ASTN2: variants seen among roughly 807,000 people sequenced by gnomAD.
ASTN2 encodes astrotactin 2.
In ASTN2, 54 loss-of-function variants were observed where a neutral mutation model predicts 139.8. That is an observed-to-expected ratio of 0.39 (90% CI 0.31 to 0.48). The LOEUF is 0.48. ASTN2 is among the 20% of genes least tolerant of loss of function. The probability of loss-of-function intolerance (pLI) is 0.95; values close to 1 mark genes in which losing one functional copy is unlikely to be tolerated. For missense variants in ASTN2, 1,565 were observed against 1,725.1 expected (o/e 0.91, Z 1.64); for synonymous variants, 756 against 719.5 (o/e 1.05, Z -0.81).
chr9:116,994,106 C>T (rs1253451857), intron 7 of ASTN2, among the ~76,000 whole-genome samples: 1 of 151,694 alleles, frequency 6.6e-6, no homozygotes, highest in Non-Finnish European at 1.5e-5. Flanking sequence ...ACTTGGACAT[C>T]AAAACATTAA....
chr9:116,852,172 A>G (rs536005654), intron 11 of ASTN2, among the ~76,000 whole-genome samples: 1 of 152,294 alleles, frequency 6.6e-6, no homozygotes, highest in East Asian at 1.9e-4. Context: ...TCCTAGCTCA[A>G]CAAGCTCCTC....
At chr9:116,999,741 G>T (rs1198958489) in intron 7 of ASTN2, among the ~76,000 whole-genome samples, 1 of 151,682 alleles carries the variant, frequency 6.6e-6, no homozygotes, top group African/African-American at 2.4e-5. Context: ...TGTATTTTTA[G>T]TAGAGACAGA....
At chr9:116,979,542 G>A (rs1007052566) in intron 7 of ASTN2, among the ~76,000 whole-genome samples, 16 of 152,136 alleles carry the variant, frequency 1.1e-4, no homozygotes, top group African/African-American at 3.9e-4. Context: ...CACTAAAGAA[G>A]TGTTAAAATG....
chr9:117,123,876 G>A (rs559693877), intron 4 of ASTN2, among the ~76,000 whole-genome samples: 1 of 152,152 alleles, frequency 6.6e-6, no homozygotes, highest in Non-Finnish European at 1.5e-5. Context: ...TATCAAATGA[G>A]TATGAGCAGC....
At chr9:116,767,153 TACACAC>T (rs34813123) in intron 13 of ASTN2, among the ~76,000 whole-genome samples, 3 of 150,442 alleles carry the variant, frequency 2.0e-5, no homozygotes, top group Non-Finnish European at 4.4e-5. Context: ...ATCCTACATA[TACACAC>T]ACACACACAC....
chr9:116,651,777 G>A lies in ASTN2; in HGVS notation c.2823C>T (p.Gly941=), dbSNP rs1470843128. The A allele has an allele frequency of 9.3e-6, 15 of 1,613,678 alleles. No homozygotes were observed. The highest frequency in any genetic ancestry group is 1.3e-5 in the Non-Finnish European group (15 of 1,179,774). The change falls in exon 17 of 23, where the codon GGC becomes GGT. Residue 941 remains glycine (G), a synonymous_variant. Transcript: ENST00000313400. ...GCATGGACTTGAGCTCCTTCTTGCTGCCCAGCTCTGTGGTCTCTGGAGAGG... is the reference window on the plus strand; with the variant it reads ...GCATGGACTTGAGCTCCTTCTTGCTACCCAGCTCTGTGGTCTCTGGAGAGG... The part of the protein sequence containing the change: ...LQYQKETTEL[G]SKKELKSMPF...
intron 2 of ASTN2, among the ~76,000 whole-genome samples, chr9:117,247,702 G>C (rs1244910306): frequency 2.0e-5 from 3 of 152,222 alleles, no homozygotes; most frequent in Non-Finnish European, 4.4e-5. Flanking sequence ...ACCTCTAAGA[G>C]GTTCATCCTG....
At chr9:117,050,321 G>A (rs551485521) in intron 5 of ASTN2, among the ~76,000 whole-genome samples, 1 of 152,146 alleles carries the variant, frequency 6.6e-6, no homozygotes, top group Non-Finnish European at 1.5e-5. Flanking sequence ...TATCTTGGAA[G>A]ATGTCAGTGG....
chr9:116,976,085 A>G (rs1836333895), intron 9 of ASTN2, 29 bp downstream of exon 9: 1 of 1,607,586 alleles, frequency 6.2e-7, no homozygotes, highest in South Asian at 1.1e-5. Flanking sequence ...ATTTCCCAGA[A>G]TTATGCCCCA....
chr9:116,882,740 T>C (rs562978664), intron 10 of ASTN2, among the ~76,000 whole-genome samples: 6 of 152,102 alleles, frequency 3.9e-5, no homozygotes, highest in East Asian at 1.9e-4. Flanking sequence ...GGCAGGAGGA[T>C]TGCTTAAGCC....
At chr9:116,711,500 T>G (rs1038022645) in intron 16 of ASTN2, among the ~76,000 whole-genome samples, 2 of 152,198 alleles carry the variant, frequency 1.3e-5, no homozygotes, top group African/African-American at 4.8e-5. Context: ...CATACCAAAC[T>G]GTATTTTTCA....
rs894074888 is a variant in ASTN2, at chr9:117,157,340, C to T, written c.1016-15862G>A. Among the ~76,000 whole-genome samples the T allele has an allele frequency of 3.3e-5, 5 of 151,940 alleles. No individual in the cohort carries two copies. In the South Asian group the frequency reaches 1.0e-3, roughly 32 times the overall value. ...CACATGGATCCAAGTTAGCAGGAAG[C>T]CTGGTGGAAGCCAATCATCCAGGTG... On this transcript the variant is annotated intron_variant, in intron 3 of 22. Transcript: ENST00000313400.
Position 116,697,580 on chromosome 9 carries a change from A to G in ASTN2, c.2806+28191T>C. On this transcript the variant is annotated intron_variant, in intron 16 of 22. Transcript: ENST00000313400. The stretch of plus-strand genomic sequence containing the variant: ...TAAGGGAATGACTGAATGACTGGTC[A>G]TAGCTATTCTCTAAATGTTTCTTGA... 3.4e-6 allele frequency: 3 copies of G among 880,892 alleles called. No homozygotes were observed. In the South Asian group the frequency reaches 4.8e-5, roughly 14 times the overall value. The allele number at this position is 880,892 out of a possible 1,614,324, so 54.6% of individuals were successfully genotyped here.
intron 10 of ASTN2, among the ~76,000 whole-genome samples, chr9:116,942,629 C>A (rs1005726311): frequency 6.6e-6 from 1 of 152,256 alleles, no homozygotes; most frequent in Non-Finnish European, 1.5e-5. Context: ...TGTGCACACA[C>A]ACACTCAACC....
intron 16 of ASTN2, among the ~76,000 whole-genome samples, chr9:116,671,448 G>C (rs1181891888): frequency 1.3e-5 from 2 of 152,000 alleles, no homozygotes; most frequent in African/African-American, 4.8e-5. Context: ...GTAGAACTAA[G>C]TAGGCCAACA....
chr9:117,152,436 A>C (rs1172709080), intron 3 of ASTN2, among the ~76,000 whole-genome samples: 1 of 152,068 alleles, frequency 6.6e-6, no homozygotes, highest in Non-Finnish European at 1.5e-5. Flanking sequence ...TCATGGTTAC[A>C]CCTTGGATCT....
At chr9:116,538,882 A>G (rs1485547937) in intron 19 of ASTN2, among the ~76,000 whole-genome samples, 1 of 152,196 alleles carries the variant, frequency 6.6e-6, no homozygotes, top group Non-Finnish European at 1.5e-5. Context: ...TGGAAAGAAA[A>G]TGGATCCTGA....
chr9:116,612,231 A>G (rs2131802584), intron 19 of ASTN2: 1 of 152,320 alleles, frequency 6.6e-6, no homozygotes, highest in Non-Finnish European at 1.5e-5. Context: ...GCAAGTCCTT[A>G]GAGACTTACA....
chr9:116,732,140 AT>A (rs1828801954), intron 14 of ASTN2, among the ~76,000 whole-genome samples: 1 of 152,220 alleles, frequency 6.6e-6, no homozygotes, highest in South Asian at 2.1e-4. Context: ...GTGATGTAAG[AT>A]AGTGGATATG....
Sources: gnomAD v4.1 joint callset for allele counts (sites outside exome capture counted in the v4.1 genomes callset) on GRCh38, gnomAD v4.1.1 for gene constraint, MANE v1.5 for transcripts, NCBI Gene and HGNC (gene_info 2026-07-23, HGNC 2026-07-21) for gene names.